The following CCAR1 variants were observed in gnomAD, a reference collection of about 807,000 sequenced individuals.
CCAR1 encodes cell division cycle and apoptosis regulator 1.
In CCAR1, 78 loss-of-function variants were observed where a neutral mutation model predicts 163.8. The observed-to-expected ratio is 0.48, with a 90% confidence interval of 0.40 to 0.57. CCAR1 has a LOEUF of 0.57. Ranked by LOEUF, CCAR1 falls within the 20% of genes least tolerant of loss-of-function variation. The pLI is 0.00. For synonymous variants in CCAR1, 443 were observed against 460.7 expected (o/e 0.96, Z 0.49); for missense variants, 1,019 against 1,365.2 (o/e 0.75, Z 4.00).
At chr10:68,724,074 CT>C (rs1395991952) in intron 2 of CCAR1, among the ~76,000 whole-genome samples, 6 of 151,700 alleles carry the variant, frequency 4.0e-5, no homozygotes, top group African/African-American at 1.5e-4. Flanking sequence ...TGGAGAATCG[CT>C]TGAACGTGGG....
At chr10:68,765,632 T>G (rs1006103426) in intron 16 of CCAR1, among the ~76,000 whole-genome samples, 1 of 152,160 alleles carries the variant, frequency 6.6e-6, no homozygotes, top group African/African-American at 2.4e-5. Flanking sequence ...ATAGATAATT[T>G]TTCCCCCTCT....
chr10:68,790,354 T>TA lies in CCAR1; in HGVS notation c.3393+455dup, dbSNP rs530271339. On this transcript the variant is annotated intron_variant, in intron 24 of 24. Transcript: ENST00000265872. ...TGGGCAACAGAACTAGACCCCATCTTAAAAAAAAAAAAAAAAGTGATTCCC... is the reference window on the plus strand; with the variant it reads ...TGGGCAACAGAACTAGACCCCATCTTAAAAAAAAAAAAAAAAAGTGATTCCC... 9.9e-3 allele frequency among the ~76,000 whole-genome samples: 1,350 copies of TA among 136,018 alleles called. 36 individuals are homozygous for TA. Among genetic ancestry groups the TA allele is most frequent in the East Asian group, 0.05 (239 of 4,802 alleles). 89.2% of individuals were successfully genotyped at this position (136,018 alleles called of 152,430 possible).
intron 17 of CCAR1, among the ~76,000 whole-genome samples, chr10:68,768,304 C>CT (rs111504410): frequency 2.1e-4 from 31 of 147,486 alleles, no homozygotes; most frequent in Admixed American, 5.4e-4. Context: ...ATGATGTTAT[C>CT]TTTTTTTTTT....
intron 3 of CCAR1, among the ~76,000 whole-genome samples, 153 bp from the exon 4 acceptor site, chr10:68,737,691 AT>A (rs947715264): frequency 6.0e-5 from 9 of 151,024 alleles, no homozygotes; most frequent in African/African-American, 1.5e-4. Flanking sequence ...TATTATTTTT[AT>A]TTTTTTTGTT....
intron 5 of CCAR1, among the ~76,000 whole-genome samples, 195 bp from the exon 6 acceptor site, chr10:68,742,181 C>T: frequency 6.6e-6 from 1 of 152,258 alleles, no homozygotes; most frequent in African/African-American, 2.4e-5. Flanking sequence ...TAAGAACACT[C>T]ATCTAAGGGA....
At chr10:68,776,173 C>T (rs2056664991) in intron 19 of CCAR1, among the ~76,000 whole-genome samples, 1 of 152,058 alleles carries the variant, frequency 6.6e-6, no homozygotes, top group South Asian at 2.1e-4. Flanking sequence ...ATGTTGGTTT[C>T]ATCCATTCTC....
chr10:68,731,443 A>G (rs1236705842), intron 2 of CCAR1, among the ~76,000 whole-genome samples: 1 of 152,206 alleles, frequency 6.6e-6, no homozygotes, highest in Non-Finnish European at 1.5e-5. Flanking sequence ...TATTTATAAA[A>G]GATATAATCA....
rs968376815 is a variant in CCAR1, at chr10:68,755,316, T to C, written c.1459-54T>C. ...TACCTTTCCTTCTCAAGTATCTTATTGGTAATTTGACAGGGTGCGTAATAT... is the reference window on the plus strand; with the variant it reads ...TACCTTTCCTTCTCAAGTATCTTATCGGTAATTTGACAGGGTGCGTAATAT... On this transcript the variant is annotated intron_variant, in intron 12 of 24. Transcript: ENST00000265872. 6.9e-6 allele frequency: 10 copies of C among 1,451,810 alleles called. No homozygotes were observed. The South Asian group carries it at 6.9e-5, about 10-fold the overall frequency. The allele number at this position is 1,451,810 out of a possible 1,614,324, so 89.9% of individuals were successfully genotyped here.
chr10:68,749,702 C>A lies in CCAR1; in HGVS notation c.1118+17C>A. The A allele has an allele frequency of 6.3e-7, 1 of 1,579,884 alleles. No individual in the cohort carries two copies. The highest frequency in any genetic ancestry group is 8.7e-7 in the Non-Finnish European group (1 of 1,155,702). ...TTTAGATTGGTAGGTTATTCCCCAC[C>A]CATTGTTTTCTTGAGTTACTAATTT... On this transcript the variant is annotated intron_variant, in intron 10 of 24. Coordinates refer to ENST00000265872, the MANE Select transcript of CCAR1 (RefSeq NM_018237.4).
At position 68,788,347 on chromosome 10, in the gene CCAR1, T is replaced by C; in HGVS notation, c.3187+19T>C. The stretch of plus-strand genomic sequence containing the variant: ...AAAACAGGTAAGGGTCAGCTTTGAA[T>C]ATGTTAATACTTTCAGCACCCTGCT... On this transcript the variant is annotated intron_variant, in intron 23 of 24. Transcript: ENST00000265872. 6.5e-7 allele frequency: 1 copy of C among 1,529,172 alleles called. No individual in the cohort carries two copies. Among genetic ancestry groups the C allele is most frequent in the Non-Finnish European group, 8.7e-7 (1 of 1,144,340 alleles). 94.7% of individuals were successfully genotyped at this position (1,529,172 alleles called of 1,614,324 possible). A position where few individuals can be genotyped will look rare whatever the true frequency, so the allele number is the denominator to read the frequency against.
chr10:68,749,780 T>A, intron 10 of CCAR1, 95 bp downstream of exon 10: 2 of 1,075,444 alleles, frequency 1.9e-6, no homozygotes, highest in South Asian at 3.2e-5. Flanking sequence ...AAGATTGATT[T>A]CCCGACAGTT....
chr10:68,776,578 A>C (rs1274659818), intron 19 of CCAR1, among the ~76,000 whole-genome samples: 1 of 152,098 alleles, frequency 6.6e-6, no homozygotes, highest in Non-Finnish European at 1.5e-5. Flanking sequence ...AAAAAAGAAA[A>C]AGATAAGGTC....
intron 12 of CCAR1, chr10:68,755,029 A>G: frequency 3.4e-6 from 2 of 589,102 alleles, no homozygotes; most frequent in Middle Eastern, 4.2e-4. Flanking sequence ...TACTAGTTCA[A>G]CAGTCATTTT....
At chr10:68,787,816 CAA>C in intron 21 of CCAR1, 109 bp from the exon 22 acceptor site, 1 of 1,071,232 alleles carries the variant, frequency 9.3e-7, no homozygotes, top group South Asian at 1.7e-5. Flanking sequence ...GTTTGGGCGA[CAA>C]GAGCAAGACT....
chr10:68,773,222 C>T, intron 19 of CCAR1, 123 bp downstream of exon 19: 3 of 524,378 alleles, frequency 5.7e-6, no homozygotes, highest in Non-Finnish European at 1.0e-5. Context: ...GAGTAATATA[C>T]TCTTCAGTGA....
chr10:68,787,694 G>T, intron 21 of CCAR1: 1 of 335,516 alleles, frequency 3.0e-6, no homozygotes, highest in Non-Finnish European at 5.4e-6. Flanking sequence ...AATTGGCCAG[G>T]CATGATGGCG....
intron 2 of CCAR1, among the ~76,000 whole-genome samples, chr10:68,734,230 A>G (rs912491060): frequency 2.6e-5 from 4 of 152,124 alleles, no homozygotes; most frequent in African/African-American, 7.2e-5. Context: ...TGTTCTTTCT[A>G]TAGAGTTAAT....
Position 68,740,649 on chromosome 10 carries a change from C to T in CCAR1, c.312C>T (p.Thr104=), listed in dbSNP as rs370670271. Reference sequence around the variant, plus strand: ...TTCAGTTACAGCAACCCCAGCAAACCCTCTTAACACAGGTTAGTTGGTATT... The same window carrying T: ...TTCAGTTACAGCAACCCCAGCAAACTCTCTTAACACAGGTTAGTTGGTATT... ...VQQQLQQPQQ[T]LLTQPAVALP... The change falls in exon 5 of 25, where the codon ACC becomes ACT. Residue 104 remains threonine, a synonymous_variant. Transcript: ENST00000265872. 4 of 1,610,132 alleles carry T rather than the reference C, an allele frequency of 2.5e-6. No homozygotes were observed. Among genetic ancestry groups the T allele is most frequent in the Admixed American group, 3.4e-5 (2 of 59,306 alleles).
At chr10:68,760,545 A>G (rs951095023) in intron 15 of CCAR1, among the ~76,000 whole-genome samples, 2 of 152,204 alleles carry the variant, frequency 1.3e-5, no homozygotes, top group African/African-American at 2.4e-5. Flanking sequence ...TGTGAGCTGT[A>G]CAAATGTTCT....
Sources: gnomAD v4.1 joint callset for allele counts (sites outside exome capture counted in the v4.1 genomes callset) on GRCh38, gnomAD v4.1.1 for gene constraint, MANE v1.5 for transcripts, NCBI Gene and HGNC (gene_info 2026-07-23, HGNC 2026-07-21) for gene names.